EYS: variants seen among roughly 807,000 people sequenced by gnomAD.
EYS encodes the protein EGF-like photoreceptor maintenance factor, also known as protein eyes shut homolog.
In EYS, 250 loss-of-function variants were observed where a neutral mutation model predicts 282.1. The observed-to-expected ratio is 0.89, with a 90% CI of 0.80 to 0.98. The LOEUF is 0.98. Ranked by LOEUF, EYS falls within the 50% of genes least tolerant of loss-of-function variation. The pLI, the probability that EYS is intolerant of heterozygous loss-of-function variation, is 0.00. For synonymous variants in EYS, 1,355 were observed against 1,282.9 expected, an observed-to-expected ratio of 1.06 and a Z score of -1.20; for missense variants, 4,016 against 3,709.0, an observed-to-expected ratio of 1.08 and a Z score of -2.15.
intron 1 of EYS, among the ~76,000 whole-genome samples, chr6:65,675,842 T>C (rs947407215): frequency 6.6e-5 from 10 of 151,920 alleles, no homozygotes; most frequent in Admixed American, 5.3e-4. Context: ...GAATACATTG[T>C]AGGTTGCAAC....
chr6:65,369,810 A>G (rs1434458300), intron 8 of EYS, among the ~76,000 whole-genome samples: 1 of 151,566 alleles, frequency 6.6e-6, no homozygotes, highest in Non-Finnish European at 1.5e-5. Flanking sequence ...ACATTGCCAC[A>G]TATTACCTAA....
intron 12 of EYS, among the ~76,000 whole-genome samples, chr6:65,097,071 G>C (rs1262872045): frequency 1.3e-5 from 2 of 150,666 alleles, no homozygotes; most frequent in Admixed American, 6.6e-5. Context: ...CAATGGAATG[G>C]GAAAAATATT....
chr6:64,343,181 G>C (rs1406772180), intron 29 of EYS, among the ~76,000 whole-genome samples: 2 of 152,004 alleles, frequency 1.3e-5, no homozygotes, highest in African/African-American at 4.8e-5. Flanking sequence ...CCCAGGAATT[G>C]AACTCAGCTC....
intron 36 of EYS, among the ~76,000 whole-genome samples, chr6:63,807,305 C>T (rs1373790375): frequency 4.6e-5 from 7 of 152,098 alleles, no homozygotes; most frequent in Non-Finnish European, 8.8e-5. Context: ...GAAATAAGAG[C>T]TTATGTTGTT....
At chr6:64,575,370 T>A (rs1245696098) in intron 26 of EYS, among the ~76,000 whole-genome samples, 1 of 152,122 alleles carries the variant, frequency 6.6e-6, no homozygotes, top group African/African-American at 2.4e-5. Flanking sequence ...TTGAAGTTTC[T>A]TAGAATTGAA....
At chr6:64,452,950 C>A (rs947554872) in intron 26 of EYS, among the ~76,000 whole-genome samples, 2 of 152,156 alleles carry the variant, frequency 1.3e-5, no homozygotes, top group African/African-American at 4.8e-5. Context: ...TAGGCATGGG[C>A]AAGGACTTCA....
chr6:64,785,695 C>A (rs1479195456), intron 22 of EYS, among the ~76,000 whole-genome samples: 1 of 152,108 alleles, frequency 6.6e-6, no homozygotes, highest in Non-Finnish European at 1.5e-5. Context: ...ACCAGTATAG[C>A]CAAAACCAAG....
chr6:65,244,530 T>C (rs1403736289), intron 12 of EYS, among the ~76,000 whole-genome samples: 1 of 152,064 alleles, frequency 6.6e-6, no homozygotes, highest in African/African-American at 2.4e-5. Context: ...ATTTATTATT[T>C]GAGACCAAGT....
intron 29 of EYS, among the ~76,000 whole-genome samples, chr6:64,314,325 A>G (rs995048138): frequency 6.6e-6 from 1 of 152,244 alleles, no homozygotes; most frequent in Admixed American, 6.5e-5. Context: ...ATGCAACAGG[A>G]AGAGCTAACT....
At chr6:65,115,909 C>T (rs1484027075) in intron 12 of EYS, among the ~76,000 whole-genome samples, 2 of 152,000 alleles carry the variant, frequency 1.3e-5, no homozygotes, top group African/African-American at 4.8e-5. Context: ...CTTCATAACA[C>T]TGTGGTGTAA....
chr6:63,844,920 A>G (rs1444538645), intron 36 of EYS, among the ~76,000 whole-genome samples: 1 of 152,208 alleles, frequency 6.6e-6, no homozygotes, highest in Non-Finnish European at 1.5e-5. Flanking sequence ...TGTTTTTATC[A>G]TGAAATATTT....
chr6:64,107,716 T>A (rs1773079095), intron 31 of EYS, among the ~76,000 whole-genome samples: 2 of 152,034 alleles, frequency 1.3e-5, no homozygotes, highest in Admixed American at 6.6e-5. Context: ...CTCCTAGTAT[T>A]CCTCATATTT....
rs1217841574 is a variant in EYS, at chr6:65,481,503, T to C, written c.862+9091A>G. Among the ~76,000 whole-genome samples, 3 of 152,156 alleles carry C rather than the reference T, an allele frequency of 2.0e-5. No individual in the cohort carries two copies. In the East Asian group the frequency reaches 5.8e-4, roughly 29 times the overall value. On this transcript the variant is annotated intron_variant, in intron 5 of 42. Transcript: ENST00000503581. ...ATTAAGTATAGTATACACTACCTTG[T>C]TGGCAGACACAAACTATTTTGAGAC...
chr6:64,187,972 T>C (rs1435684615), intron 31 of EYS, among the ~76,000 whole-genome samples: 1 of 152,152 alleles, frequency 6.6e-6, no homozygotes, highest in Non-Finnish European at 1.5e-5. Context: ...AAAATGTGAT[T>C]ACTGAAAATA....
intron 19 of EYS, among the ~76,000 whole-genome samples, chr6:64,856,575 A>C (rs946011943): frequency 5.3e-5 from 8 of 152,194 alleles, no homozygotes. Context: ...CTGGGATTAC[A>C]GCTGTGAGCC....
At position 64,864,385 on chromosome 6, in the gene EYS, C is replaced by CTTTTTTTT. The variant is rs769240399; in HGVS notation, c.2992+22304_2992+22311dup. 4.3e-3 allele frequency among the ~76,000 whole-genome samples: 245 copies of CTTTTTTTT among 57,180 alleles called. 51 individuals are homozygous for CTTTTTTTT. The highest frequency in any genetic ancestry group is 8.3e-3 in the South Asian group (12 of 1,448). 37.5% of individuals were successfully genotyped at this position (57,180 alleles called of 152,430 possible). A position where few individuals can be genotyped will look rare whatever the true frequency, so the allele number is the denominator to read the frequency against. On this transcript the variant is annotated intron_variant, in intron 19 of 42. Coordinates refer to ENST00000503581, the MANE Select transcript of EYS (RefSeq NM_001142800.2). ...GAGAAATACAGAGGTGCTATACCTT[C>CTTTTTTTT]TTTTTTTTTTTTTTTTTTTTTGACA... is the stretch of plus-strand genomic sequence containing the variant.
At chr6:64,417,724 G>A (rs1036231540) in intron 28 of EYS, among the ~76,000 whole-genome samples, 6 of 140,278 alleles carry the variant, frequency 4.3e-5, no homozygotes, top group East Asian at 2.1e-4. Flanking sequence ...AGGCTGGAGC[G>A]CAGTGGCACA....
rs147174755 is a variant in EYS at position 63,730,936 on chromosome 6, G to A, written c.8072-4256C>T. On this transcript the variant is annotated intron_variant, in intron 41 of 42. Coordinates refer to ENST00000503581, the MANE Select transcript of EYS (RefSeq NM_001142800.2). ...TTCAGGAGGCTGAGGCAGGAGGATC[G>A]CTTGAACTTGGGAGGCAGAGGTTGC... Among the ~76,000 whole-genome samples the A allele has an allele frequency of 5.3e-4, 81 of 152,224 alleles. No individual in the cohort carries two copies. The East Asian group carries it at 0.015, about 28-fold the overall frequency.
intron 18 of EYS, among the ~76,000 whole-genome samples, chr6:64,896,889 A>C (rs543304633): frequency 6.6e-6 from 1 of 152,134 alleles, no homozygotes; most frequent in African/African-American, 2.4e-5. Context: ...GCTGCCGTAG[A>C]CAGACCGCCT....
Sources: allele counts gnomAD v4.1 joint callset (sites outside exome capture counted in the v4.1 genomes callset), GRCh38; gene constraint gnomAD v4.1.1; transcripts MANE v1.5; gene names NCBI Gene and HGNC (gene_info 2026-07-23, HGNC 2026-07-21).